The following KNDC1 variants were observed in gnomAD, a reference collection of about 807,000 sequenced individuals.
KNDC1 encodes the protein kinase non-catalytic C-lobe domain containing 1.
In KNDC1, 106 loss-of-function variants were observed where a neutral mutation model predicts 172.8. The ratio of observed to expected loss-of-function variants is 0.61; its 90% CI spans 0.52 to 0.72. KNDC1 has a LOEUF of 0.72. KNDC1 is among the 30% of genes least tolerant of loss of function. The pLI is 0.00. For missense variants in KNDC1, 2,325 were observed against 2,394.5 expected (o/e 0.97, Z 0.61); for synonymous variants, 1,083 against 1,062.2 (o/e 1.02, Z -0.38).
intron 17 of KNDC1, among the ~76,000 whole-genome samples, chr10:133,205,270 C>T (rs1845154427): frequency 6.6e-6 from 1 of 152,194 alleles, no homozygotes; most frequent in Non-Finnish European, 1.5e-5. Context: ...GCGCCCTCTC[C>T]CTGAATGTAG....
chr10:133,220,747 G>A (rs1179787813), intron 29 of KNDC1, among the ~76,000 whole-genome samples: 1 of 105,646 alleles, frequency 9.5e-6, no homozygotes, highest in Non-Finnish European at 2.0e-5. Flanking sequence ...GCGGCCGCGC[G>A]CCCAGGTGAG....
chr10:133,190,335 T>TAAAC (rs113088617), intron 9 of KNDC1, among the ~76,000 whole-genome samples: 2 of 55,212 alleles, frequency 3.6e-5, no homozygotes, highest in Non-Finnish European at 5.1e-5. Context: ...CACCCTGCAC[T>TAAAC]AAACACCCTG....
chr10:133,216,546 G>A (rs1334056681), intron 26 of KNDC1, among the ~76,000 whole-genome samples: 2 of 152,038 alleles, frequency 1.3e-5, no homozygotes, highest in Admixed American at 6.6e-5. Context: ...GGCTGGTGGC[G>A]CACACCTGGA....
intron 3 of KNDC1, among the ~76,000 whole-genome samples, chr10:133,172,971 C>G (rs917047468): frequency 6.6e-6 from 1 of 152,172 alleles, no homozygotes; most frequent in Non-Finnish European, 1.5e-5. Context: ...CCACTGCACT[C>G]CAGCCTGAGC....
chr10:133,184,850 A>C (rs907605159), intron 5 of KNDC1, among the ~76,000 whole-genome samples: 3 of 152,254 alleles, frequency 2.0e-5, no homozygotes, highest in African/African-American at 7.2e-5. Context: ...GCATTTCAAT[A>C]AACGGATGGG....
In KNDC1 at chr10:133,202,995, T is replaced by G. The variant is rs927731270; in HGVS notation, c.3387+1097T>G. 2.8e-5 allele frequency among the ~76,000 whole-genome samples: 4 copies of G among 143,558 alleles called. No homozygotes were observed. In the East Asian group the frequency reaches 8.5e-4, roughly 31 times the overall value. 94.2% of individuals were successfully genotyped at this position (143,558 alleles called of 152,430 possible). ...AGCAGGGAGCACTCAGCCCCCAAAC[T>G]CACGGCGTCCAGCCGGGAGCACTCC... On this transcript the variant is annotated intron_variant, in intron 17 of 29. Coordinates refer to ENST00000304613, the MANE Select transcript of KNDC1 (RefSeq NM_152643.8).
chr10:133,204,196 A>T (rs930491317), intron 17 of KNDC1, among the ~76,000 whole-genome samples: 1 of 152,192 alleles, frequency 6.6e-6, no homozygotes. Context: ...ACACAGCTCC[A>T]TGGGGACACC....
intron 17 of KNDC1, among the ~76,000 whole-genome samples, chr10:133,205,607 G>A (rs1310019915): frequency 6.6e-6 from 1 of 152,282 alleles, no homozygotes; most frequent in Non-Finnish European, 1.5e-5. Flanking sequence ...GTTCCCGGGA[G>A]GAGGGTTTTT....
intron 21 of KNDC1, 33 bp downstream of exon 21, chr10:133,210,757 G>A: frequency 6.5e-7 from 1 of 1,549,902 alleles, no homozygotes; most frequent in Non-Finnish European, 8.9e-7. Context: ...GCCCGCCAGA[G>A]CTTCCCCCTG....
At chr10:133,197,253 A>G (rs1854219474) in intron 11 of KNDC1, 118 bp downstream of exon 11, 3 of 778,228 alleles carry the variant, frequency 3.9e-6, no homozygotes, top group Non-Finnish European at 6.5e-6. Flanking sequence ...TCTGTTGACC[A>G]CCGAGCTGTG....
chr10:133,213,793 T>C (rs1845421770), intron 25 of KNDC1, 66 bp downstream of exon 25: 15 of 1,503,474 alleles, frequency 1.0e-5, no homozygotes, highest in South Asian at 9.0e-5. Context: ...CGTAAGAGTC[T>C]TGTGGACGCT....
chr10:133,214,126 G>A lies in KNDC1; in HGVS notation c.4677+4G>A, dbSNP rs776271124. The A allele has an allele frequency of 1.2e-6, 2 of 1,613,772 alleles. No individual in the cohort carries two copies. Among genetic ancestry groups the A allele is most frequent in the East Asian group, 4.5e-5 (2 of 44,888 alleles). On this transcript the variant is annotated splice_donor_region_variant and intron_variant, in intron 26 of 29. Transcript: ENST00000304613. ...TGTGACCAGCCACACCTCCAAGGTG[G>A]GCACCCTACAGTTCCGAGGCCAACA...
intron 3 of KNDC1, among the ~76,000 whole-genome samples, chr10:133,181,557 G>T (rs2135969066): frequency 6.6e-6 from 1 of 152,356 alleles, no homozygotes; most frequent in South Asian, 2.1e-4. Flanking sequence ...GGTGTGCCAG[G>T]TGGGCTGCCC....
At chr10:133,177,556 G>T (rs1211795156) in intron 3 of KNDC1, among the ~76,000 whole-genome samples, 1 of 151,988 alleles carries the variant, frequency 6.6e-6, no homozygotes, top group Non-Finnish European at 1.5e-5. Flanking sequence ...GAGCACGTGT[G>T]TTGCATGTGT....
At chr10:133,170,510 A>C (rs899262321) in intron 3 of KNDC1, among the ~76,000 whole-genome samples, 1 of 152,184 alleles carries the variant, frequency 6.6e-6, no homozygotes, top group African/African-American at 2.4e-5. Flanking sequence ...GTGCCTCTCC[A>C]GTGAAGCTTT....
At chr10:133,213,063 G>A (rs960241380) in intron 24 of KNDC1, 141 bp downstream of exon 24, 3 of 768,324 alleles carry the variant, frequency 3.9e-6, no homozygotes, top group Admixed American at 2.9e-5. Context: ...CACAGGTTGG[G>A]GGTGGCTGCC....
intron 3 of KNDC1, among the ~76,000 whole-genome samples, chr10:133,177,543 CAT>C (rs1351428172): frequency 2.1e-5 from 3 of 141,468 alleles, no homozygotes; most frequent in Admixed American, 2.1e-4. Flanking sequence ...TAGTGTGTGT[CAT>C]GAGCACGTGT....
At position 133,186,457 on chromosome 10, in the gene KNDC1, A is replaced by T; in HGVS notation, c.1109A>T (p.Glu370Val). The T allele has an allele frequency of 6.2e-7, 1 of 1,612,528 alleles. No individual in the cohort carries two copies. Among genetic ancestry groups the T allele is most frequent in the Non-Finnish European group, 8.5e-7 (1 of 1,179,796 alleles). Residue 370 changes from glutamate (E) to valine (V), a missense_variant, in exon 6 of 30, where the codon GAA becomes GTA. Transcript: ENST00000304613. The part of the protein sequence containing the change: ...KCRLWPEQEP[E>V]HQLGRVPCAG... ...AGGCTGTGGCCGGAGCAGGAGCCGG[A>T]ACACCAGCTGGGACGGGTTCCCTGT...
rs919286431 is a variant in KNDC1 at position 133,209,907 on chromosome 10, C to T, written c.3795-704C>T. On this transcript the variant is annotated intron_variant, in intron 20 of 29. Coordinates refer to ENST00000304613, the MANE Select transcript of KNDC1 (RefSeq NM_152643.8). This position sits in a 1 kb window ranked among gnomAD's most constrained non-coding sequence, Gnocchi z 4.9. ...GTCGGGCTCCCAGGACAGTCCCAGA[C>T]CTGCAGGCGGGGCCCTGGTCAGTGT... 1.3e-5 allele frequency among the ~76,000 whole-genome samples: 2 copies of T among 152,122 alleles called. No individual in the cohort carries two copies. The highest frequency in any genetic ancestry group is 6.5e-5 in the Admixed American group (1 of 15,280).
Sources: gnomAD v4.1 joint callset for allele counts (sites outside exome capture counted in the v4.1 genomes callset) on GRCh38, gnomAD v4.1.1 for gene constraint, Gnocchi (gnomAD v3.1) non-coding constraint, MANE v1.5 for transcripts, NCBI Gene and HGNC (gene_info 2026-07-23, HGNC 2026-07-21) for gene names.